PPP1R12B: variants seen among roughly 807,000 people sequenced by gnomAD.
PPP1R12B encodes the protein protein phosphatase 1 regulatory subunit 12B.
PPP1R12B carries 76 observed loss-of-function variants against 126.1 expected under a neutral mutation model. The ratio of observed to expected loss-of-function variants is 0.60; its 90% CI spans 0.50 to 0.73. The LOEUF (loss-of-function observed/expected upper bound fraction) is 0.73, where lower values mean the gene tolerates loss of function less well. Ranked by LOEUF, PPP1R12B falls within the 30% of genes least tolerant of loss-of-function variation. PPP1R12B has a pLI of 0.00. For synonymous variants in PPP1R12B, 356 were observed against 434.7 expected, an observed-to-expected ratio of 0.82 and a Z score of 2.25; for missense variants, 1,052 against 1,205.1, an observed-to-expected ratio of 0.87 and a Z score of 1.88.
rs760559252 is a variant in PPP1R12B, at chr1:202,427,056, G to A, written c.718G>A (p.Gly240Ser). The A allele has an allele frequency of 5.6e-6, 9 of 1,612,386 alleles. No homozygotes were observed. The East Asian group carries it at 1.1e-4, about 20-fold the overall frequency. The change falls in exon 5 of 24, where the codon GGC (glycine) becomes AGC (serine). Residue 240 changes from glycine (G) to serine (S), a missense_variant. Transcript: ENST00000608999. The stretch of plus-strand genomic sequence containing the variant: ...TCTTTTTAGACTTTTAATTCAGGCT[G>A]GCTATGAACTCAATGTTCAGGATTA... ...SEVLRLLIQA[G>S]YELNVQDYDG...
intron 1 of PPP1R12B, among the ~76,000 whole-genome samples, chr1:202,390,101 A>G (rs948185071): frequency 6.6e-6 from 1 of 152,196 alleles, no homozygotes; most frequent in Non-Finnish European, 1.5e-5. Flanking sequence ...AAGTACATCA[A>G]TGGAATAGAA....
At chr1:202,448,749 A>G (rs946251477) in intron 12 of PPP1R12B, among the ~76,000 whole-genome samples, 2 of 152,202 alleles carry the variant, frequency 1.3e-5, no homozygotes, top group Non-Finnish European at 2.9e-5. Flanking sequence ...ACAAAATCTC[A>G]GGCACACACA....
intron 18 of PPP1R12B, among the ~76,000 whole-genome samples, chr1:202,509,395 T>C (rs1489284062): frequency 3.3e-5 from 5 of 152,202 alleles, no homozygotes; most frequent in African/African-American, 4.8e-5. Context: ...CTCTCTGTTA[T>C]GTTTTAGTTC....
rs1671047643 is a variant in PPP1R12B, at chr1:202,437,932, A to G, written c.1366A>G (p.Asn456Asp). ...GSHNMLSEVA[N>D]SREPIRDRGS... is the part of the protein sequence containing the mutation. ...CCACAACATGCTGAGTGAGGTGGCC[A>G]ATTCCAGGGAACCTATAAGGGACCG... The change falls in exon 10 of 24, where the codon AAT (asparagine) becomes GAT (aspartate). Residue 456 changes from asparagine to aspartate, a missense_variant. Physicochemically the swap from Asn to Asp is conservative, Grantham distance 23. Coordinates refer to ENST00000608999, the MANE Select transcript of PPP1R12B (RefSeq NM_002481.4). 1.2e-6 allele frequency: 2 copies of G among 1,614,096 alleles called. No individual in the cohort carries two copies. The highest frequency in any genetic ancestry group is 1.6e-4 in the Middle Eastern group (1 of 6,062).
intron 20 of PPP1R12B, among the ~76,000 whole-genome samples, chr1:202,563,130 G>GT (rs991376271): frequency 6.6e-6 from 1 of 152,156 alleles, no homozygotes; most frequent in African/African-American, 2.4e-5. Context: ...GTTTTGTTTT[G>GT]TTTTTTGAGA....
At chr1:202,510,252 A>G (rs1416853776) in intron 18 of PPP1R12B, among the ~76,000 whole-genome samples, 1 of 152,196 alleles carries the variant, frequency 6.6e-6, no homozygotes, top group Non-Finnish European at 1.5e-5. Context: ...ATTTTCAACT[A>G]TAATAACCTA....
intron 23 of PPP1R12B, among the ~76,000 whole-genome samples, chr1:202,571,088 C>A (rs1450432579): frequency 6.6e-6 from 1 of 152,196 alleles, no homozygotes; most frequent in African/African-American, 2.4e-5. Flanking sequence ...GGCCCACACA[C>A]AAAAACCCAG....
At chr1:202,572,191 C>G (rs1205551031) in intron 23 of PPP1R12B, among the ~76,000 whole-genome samples, 1 of 152,194 alleles carries the variant, frequency 6.6e-6, no homozygotes, top group East Asian at 1.9e-4. Context: ...GTACAGGTGA[C>G]TGTCTGGCTG....
intron 18 of PPP1R12B, among the ~76,000 whole-genome samples, chr1:202,526,831 C>A (rs182670122): frequency 4.1e-5 from 6 of 147,908 alleles, no homozygotes; most frequent in Admixed American, 3.3e-4. Flanking sequence ...TATAAACTTC[C>A]TTGTAGATAC....
chr1:202,359,265 GGATTA>G (rs375912939), intron 1 of PPP1R12B, among the ~76,000 whole-genome samples: 12 of 151,944 alleles, frequency 7.9e-5, no homozygotes, highest in Middle Eastern at 6.8e-3. Context: ...CAAGTAGCTG[GGATTA>G]GAGGCATGTG....
chr1:202,525,460 G>A (rs1452322682), intron 18 of PPP1R12B, among the ~76,000 whole-genome samples: 1 of 152,092 alleles, frequency 6.6e-6, no homozygotes, highest in African/African-American at 2.4e-5. Context: ...ATAAGATGAA[G>A]ACTAAGAACT....
chr1:202,526,001 G>C (rs1558333256), intron 18 of PPP1R12B, among the ~76,000 whole-genome samples: 1 of 152,192 alleles, frequency 6.6e-6, no homozygotes, highest in East Asian at 1.9e-4. Flanking sequence ...ATCCAGAAAA[G>C]GGTGTTTTTT....
At position 202,583,033 on chromosome 1, in the gene PPP1R12B, C is replaced by T. The variant is rs778633987; in HGVS notation, c.*2473C>T. 6.6e-6 allele frequency: 1 copy of T among 152,140 alleles called. No homozygotes were observed. Among genetic ancestry groups the T allele is most frequent in the Non-Finnish European group, 1.5e-5 (1 of 68,036 alleles). The allele number at this position is 152,140 out of a possible 1,614,324, so 9.4% of individuals were successfully genotyped here. ...AAGAGAAGCTGCTACTATCTTGAGA[C>T]TTCGTATTATCATGGGAGTACTGTA... is the stretch of plus-strand genomic sequence containing the variant. On this transcript the variant is annotated 3_prime_UTR_variant, in exon 24 of 24. Transcript: ENST00000608999.
At position 202,430,776 on chromosome 1, in the gene PPP1R12B, C is replaced by T. The variant is rs202207519; in HGVS notation, c.967C>T (p.Leu323=). The T allele has an allele frequency of 2.5e-6, 4 of 1,613,338 alleles. No homozygotes were observed. In the East Asian group the frequency reaches 6.7e-5, roughly 27 times the overall value. ...ACGGAATAAACTCATTGAGTCAGAT[C>T]TGAACAGCAAGATTCAGAGTGGGTT... is the stretch of plus-strand genomic sequence containing the variant. The part of the protein sequence containing the change: ...ETRNKLIESD[L]NSKIQSGFFK... Residue 323 remains leucine (L), a synonymous_variant, in exon 7 of 24, where the codon CTG becomes TTG. Transcript: ENST00000608999.
chr1:202,401,343 C>A (rs1665803390), intron 1 of PPP1R12B, among the ~76,000 whole-genome samples: 1 of 146,714 alleles, frequency 6.8e-6, no homozygotes, highest in Admixed American at 6.9e-5. Context: ...TTGTCCACCA[C>A]CATGGCTGGC....
intron 18 of PPP1R12B, among the ~76,000 whole-genome samples, chr1:202,511,059 T>C (rs1409834487): frequency 6.8e-6 from 1 of 147,034 alleles, no homozygotes; most frequent in East Asian, 1.9e-4. Flanking sequence ...TATAATAATA[T>C]ATAATATATA....
At chr1:202,449,423 G>A (rs1459046818) in intron 13 of PPP1R12B, among the ~76,000 whole-genome samples, 3 of 150,964 alleles carry the variant, frequency 2.0e-5, no homozygotes, top group Non-Finnish European at 3.0e-5. Flanking sequence ...CTGCAGGCGT[G>A]TGTCACCCCA....
At chr1:202,543,325 A>T (rs1445598938) in intron 18 of PPP1R12B, among the ~76,000 whole-genome samples, 1 of 152,192 alleles carries the variant, frequency 6.6e-6, no homozygotes, top group Admixed American at 6.5e-5. Flanking sequence ...TATATAGAAG[A>T]TAGTGCATGT....
At chr1:202,370,869 T>G (rs1262637508) in intron 1 of PPP1R12B, among the ~76,000 whole-genome samples, 1 of 152,084 alleles carries the variant, frequency 6.6e-6, no homozygotes, top group Non-Finnish European at 1.5e-5. Context: ...TATTAGCAAC[T>G]TGCTGTTTTC....
Sources: gnomAD v4.1 joint callset for allele counts (sites outside exome capture counted in the v4.1 genomes callset) on GRCh38, gnomAD v4.1.1 for gene constraint, MANE v1.5 for transcripts, NCBI Gene and HGNC (gene_info 2026-07-23, HGNC 2026-07-21) for gene names.